Variants in EIF4G3 observed in about 807,000 individuals in gnomAD.
EIF4G3 encodes eIF-4-gamma 3.
EIF4G3 carries 34 observed loss-of-function variants against 186.4 expected under a neutral mutation model. The observed-to-expected ratio is 0.18, with a 90% CI of 0.14 to 0.24. The LOEUF (loss-of-function observed/expected upper bound fraction) is 0.24, where lower values mean the gene tolerates loss of function less well. Ranked by LOEUF, EIF4G3 falls within the 10% of genes least tolerant of loss-of-function variation. The pLI is 1.00. For synonymous variants in EIF4G3, 673 were observed against 679.5 expected, an observed-to-expected ratio of 0.99 and a Z score of 0.15; for missense variants, 1,536 against 1,948.5, an observed-to-expected ratio of 0.79 and a Z score of 3.99.
chr1:20,835,328 AAG>A (rs2066432946), intron 30 of EIF4G3, among the ~76,000 whole-genome samples: 1 of 152,184 alleles, frequency 6.6e-6, no homozygotes, highest in African/African-American at 2.4e-5. Context: ...GAACTAGAAA[AAG>A]AAGAACAAAC....
intron 14 of EIF4G3, among the ~76,000 whole-genome samples, chr1:20,931,844 G>A (rs2095325341): frequency 6.6e-6 from 1 of 151,906 alleles, no homozygotes; most frequent in Non-Finnish European, 1.5e-5. Context: ...AGAATCGCTT[G>A]AACCCGGGAG....
chr1:20,964,224 T>C (rs2074109802), intron 12 of EIF4G3, among the ~76,000 whole-genome samples: 1 of 152,180 alleles, frequency 6.6e-6, no homozygotes, highest in Non-Finnish European at 1.5e-5. Context: ...CAATTCCTCA[T>C]TTTACAGATG....
At chr1:20,908,954 A>G (rs1391837076) in intron 14 of EIF4G3, among the ~76,000 whole-genome samples, 1 of 152,166 alleles carries the variant, frequency 6.6e-6, no homozygotes, top group Admixed American at 6.5e-5. Flanking sequence ...GTTCGAGACC[A>G]GCCTGGCCAA....
At chr1:20,903,224 C>A (rs187033850) in intron 15 of EIF4G3, among the ~76,000 whole-genome samples, 1 of 152,322 alleles carries the variant, frequency 6.6e-6, no homozygotes, top group East Asian at 1.9e-4. Context: ...TTCATTTACA[C>A]ATTGTTGATG....
chr1:20,853,640 G>A lies in EIF4G3; in HGVS notation c.3471C>T (p.Phe1157=). The A allele has an allele frequency of 6.2e-7, 1 of 1,613,942 alleles. No homozygotes were observed. Reference sequence around the variant, plus strand: ...AGGGTGCTGGAGGTTGCAGGGCAGAGAATCTGTTTAAACTGGAAGCACTTG... The same window carrying A: ...AGGGTGCTGGAGGTTGCAGGGCAGAAAATCTGTTTAAACTGGAAGCACTTG... ...LRSSASSLNR[F]SALQPPAPSG... Residue 1157 remains phenylalanine, a synonymous_variant, in exon 27 of 37, where the codon TTC becomes TTT. Transcript: ENST00000602326.
At chr1:20,968,282 C>T (rs1464259761) in intron 12 of EIF4G3, among the ~76,000 whole-genome samples, 4 of 151,806 alleles carry the variant, frequency 2.6e-5, no homozygotes, top group African/African-American at 9.7e-5. Flanking sequence ...TGGGTTCAAA[C>T]GATTCTCCTG....
At chr1:21,013,961 G>A (rs906794845) in intron 4 of EIF4G3, among the ~76,000 whole-genome samples, 11 of 152,346 alleles carry the variant, frequency 7.2e-5, no homozygotes, top group Admixed American at 5.2e-4. Flanking sequence ...CCTGAGATCA[G>A]GAGTTCGAGA....
At chr1:21,007,204 C>T (rs1234866794) in intron 4 of EIF4G3, among the ~76,000 whole-genome samples, 2 of 151,942 alleles carry the variant, frequency 1.3e-5, no homozygotes, top group African/African-American at 4.8e-5. Flanking sequence ...TCGAGACCAG[C>T]CTGGCCAACA....
intron 30 of EIF4G3, among the ~76,000 whole-genome samples, chr1:20,833,210 C>A (rs2065809449): frequency 6.8e-6 from 1 of 146,008 alleles, no homozygotes; most frequent in East Asian, 2.0e-4. Flanking sequence ...GCAGTATGGC[C>A]ATTTTCACGA....
intron 2 of EIF4G3, among the ~76,000 whole-genome samples, chr1:21,118,278 T>C (rs756349690): frequency 5.9e-5 from 9 of 152,226 alleles, no homozygotes; most frequent in Non-Finnish European, 8.8e-5. Context: ...ACTTTGAAAA[T>C]AGTAAACCCT....
At chr1:20,849,895 G>T (rs1181437841) in intron 28 of EIF4G3, among the ~76,000 whole-genome samples, 1 of 152,114 alleles carries the variant, frequency 6.6e-6, no homozygotes, top group Admixed American at 6.5e-5. Context: ...CTGATCTTGG[G>T]CAGCTGCTTG....
chr1:20,864,573 A>G lies in EIF4G3; in HGVS notation c.2909T>C (p.Val970Ala). ...MLTEAIMHDC[V>A]VKLLKNHDEE... Reference sequence around the variant, plus strand: ...ATCATGGTTCTTTAGCAGCTTCACCACACAGTCATGCATGATGGCTTCAGT... The same window carrying G: ...ATCATGGTTCTTTAGCAGCTTCACCGCACAGTCATGCATGATGGCTTCAGT... The change falls in exon 22 of 37, where the codon GTG becomes GCG. Residue 970 changes from valine to alanine, a missense_variant. Transcript: ENST00000602326. 6.2e-7 allele frequency: 1 copy of G among 1,614,178 alleles called. No individual in the cohort carries two copies. Among genetic ancestry groups the G allele is most frequent in the Non-Finnish European group, 8.5e-7 (1 of 1,180,030 alleles).
rs2059042040 is a variant in EIF4G3 at position 20,810,557 on chromosome 1, G to C, written c.4744+181C>G. On this transcript the variant is annotated intron_variant, in intron 36 of 36. Coordinates refer to ENST00000602326, the MANE Select transcript of EIF4G3 (RefSeq NM_001391906.1). This position sits in a 1 kb window ranked among gnomAD's most constrained non-coding sequence, Gnocchi z 4.1. ...CCTGCCGTGGCCTCCCAAAGTGCTGGGATTATAGGCGCAAGCCACTGCACC... is the reference window on the plus strand; with the variant it reads ...CCTGCCGTGGCCTCCCAAAGTGCTGCGATTATAGGCGCAAGCCACTGCACC... Among the ~76,000 whole-genome samples, 1 of 152,216 alleles carries C rather than the reference G, an allele frequency of 6.6e-6. No homozygotes were observed. Among genetic ancestry groups the C allele is most frequent in the Non-Finnish European group, 1.5e-5 (1 of 68,036 alleles).
intron 7 of EIF4G3, among the ~76,000 whole-genome samples, chr1:20,983,803 C>T (rs1289252692): frequency 6.6e-6 from 1 of 152,198 alleles, no homozygotes; most frequent in Non-Finnish European, 1.5e-5. Context: ...TGTCAAAATA[C>T]TCCTATGTTG....
chr1:20,996,376 A>T (rs1205111050), intron 7 of EIF4G3, among the ~76,000 whole-genome samples: 10 of 151,942 alleles, frequency 6.6e-5, no homozygotes, highest in Admixed American at 5.9e-4. Context: ...TCTCTGAATT[A>T]AAAAAAATAC....
At chr1:21,160,353 G>T (rs953410018) in intron 2 of EIF4G3, among the ~76,000 whole-genome samples, 1 of 152,086 alleles carries the variant, frequency 6.6e-6, no homozygotes, top group East Asian at 1.9e-4. Context: ...GAGTGAAATA[G>T]AAAGTCACAA....
At chr1:21,103,300 A>G (rs1442983065) in intron 2 of EIF4G3, among the ~76,000 whole-genome samples, 2 of 152,166 alleles carry the variant, frequency 1.3e-5, no homozygotes, top group Admixed American at 1.3e-4. Flanking sequence ...CCCCTACACC[A>G]AATGTTCACT....
chr1:20,892,770 T>C, intron 18 of EIF4G3: 1 of 1,325,448 alleles, frequency 7.5e-7, no homozygotes, highest in Admixed American at 2.2e-5. Flanking sequence ...TAGCTGAATG[T>C]CATCAGAGAT....
intron 3 of EIF4G3, among the ~76,000 whole-genome samples, chr1:21,071,192 G>C (rs944646085): frequency 6.6e-6 from 1 of 152,112 alleles, no homozygotes; most frequent in Non-Finnish European, 1.5e-5. Flanking sequence ...ATCATCTGAG[G>C]CCAGGAGTTC....
Sources: allele counts gnomAD v4.1 joint callset (sites outside exome capture counted in the v4.1 genomes callset), GRCh38; gene constraint gnomAD v4.1.1; non-coding constraint Gnocchi (gnomAD v3.1); transcripts MANE v1.5; gene names NCBI Gene and HGNC (gene_info 2026-07-23, HGNC 2026-07-21).